The following GBE1 variants were observed in gnomAD, a reference collection of about 807,000 sequenced individuals.
GBE1 encodes 1,4-alpha-glucan branching enzyme 1.
In GBE1, 70 loss-of-function variants were observed where a neutral mutation model predicts 88.8. The observed-to-expected ratio is 0.79, with a 90% CI of 0.65 to 0.96. The LOEUF (loss-of-function observed/expected upper bound fraction) is 0.96. GBE1 is among the 40% of genes least tolerant of loss of function. The probability of loss-of-function intolerance (pLI) is 0.00; values close to 1 mark genes in which losing one functional copy is unlikely to be tolerated. For synonymous variants in GBE1, 284 were observed against 300.1 expected (o/e 0.95, Z 0.56); for missense variants, 872 against 871.0 (o/e 1.00, Z -0.01).
chr3:81,712,740 A>G (rs1046943234), intron 1 of GBE1, among the ~76,000 whole-genome samples: 5 of 152,172 alleles, frequency 3.3e-5, no homozygotes, highest in African/African-American at 1.2e-4. Context: ...TGGCACATGT[A>G]TACATATGTA....
chr3:81,583,414 G>A (rs1242378161), intron 10 of GBE1, among the ~76,000 whole-genome samples: 1 of 152,058 alleles, frequency 6.6e-6, no homozygotes, highest in East Asian at 1.9e-4. Flanking sequence ...TAAAAAATGA[G>A]TACACACATG....
intron 14 of GBE1, among the ~76,000 whole-genome samples, chr3:81,523,351 T>G (rs1702898690): frequency 1.3e-5 from 2 of 151,442 alleles, no homozygotes; most frequent in Non-Finnish European, 3.0e-5. Flanking sequence ...AATTTAAATT[T>G]AAAATTGTTA....
chr3:81,633,239 AAT>A (rs1169557954), intron 7 of GBE1, among the ~76,000 whole-genome samples: 6 of 152,204 alleles, frequency 3.9e-5, no homozygotes, highest in South Asian at 4.1e-4. Flanking sequence ...TGACAGTGAC[AAT>A]GACAATTATC....
At chr3:81,618,981 TA>T (rs35406573) in intron 7 of GBE1, among the ~76,000 whole-genome samples, 1 of 151,918 alleles carries the variant, frequency 6.6e-6, no homozygotes, top group Admixed American at 6.6e-5. Context: ...AGATTCTTTT[TA>T]AAAAAATGAC....
At chr3:81,516,590 T>G (rs1702801394) in intron 14 of GBE1, among the ~76,000 whole-genome samples, 1 of 151,550 alleles carries the variant, frequency 6.6e-6, no homozygotes, top group Non-Finnish European at 1.5e-5. Context: ...GAAATATATT[T>G]TGTAAGACTA....
rs144922162 is a variant in GBE1, at chr3:81,516,686, C to T, written c.1935-17459G>A. On this transcript the variant is annotated intron_variant, in intron 14 of 15. Transcript: ENST00000429644. ...GGAAAGGATTCACCATTCTAGATGC[C>T]ATTAAGAACATTTGTGATTCATGGG... Among the ~76,000 whole-genome samples the T allele has an allele frequency of 4.3e-3, 644 of 151,478 alleles. 7 individuals carry two copies. Among genetic ancestry groups the T allele is most frequent in the African/African-American group, 0.014 (589 of 41,422 alleles).
intron 7 of GBE1, chr3:81,613,101 C>A: frequency 1.8e-6 from 1 of 553,368 alleles, no homozygotes; most frequent in Non-Finnish European, 2.8e-6. Context: ...TGGATTCCGA[C>A]CTTCCTTTTT....
In GBE1 at chr3:81,586,114, G is replaced by T; in HGVS notation, c.1313C>A (p.Ala438Glu). ...TACCTGAATCCACTTATCTGGAATT[G>T]CCATGGCTAGTCGATAGTCAAAACC... ...GGGFDYRLAM[A>E]IPDKWIQLLK... The change falls in exon 10 of 16, where the codon GCA (alanine) becomes GAA (glutamate). Residue 438 changes from alanine to glutamate, a missense_variant. Transcript: ENST00000429644. The T allele has an allele frequency of 6.2e-7, 1 of 1,608,486 alleles. No individual in the cohort carries two copies. The highest frequency in any genetic ancestry group is 8.5e-7 in the Non-Finnish European group (1 of 1,177,302).
At chr3:81,589,357 T>G (rs1355905314) in intron 9 of GBE1, among the ~76,000 whole-genome samples, 1 of 151,908 alleles carries the variant, frequency 6.6e-6, no homozygotes. Context: ...ATTACATTGC[T>G]TATTCGTTCA....
intron 7 of GBE1, among the ~76,000 whole-genome samples, chr3:81,622,945 T>A (rs563112970): frequency 6.6e-6 from 1 of 152,200 alleles, no homozygotes; most frequent in Non-Finnish European, 1.5e-5. Context: ...CACTGGACTA[T>A]TGCAATACAA....
At chr3:81,528,031 G>A (rs1474048816) in intron 14 of GBE1, among the ~76,000 whole-genome samples, 3 of 152,012 alleles carry the variant, frequency 2.0e-5, no homozygotes, top group Non-Finnish European at 4.4e-5. Flanking sequence ...GGAATACTAT[G>A]CAGCCATAAC....
intron 14 of GBE1, among the ~76,000 whole-genome samples, chr3:81,513,000 G>C (rs1702745984): frequency 6.6e-6 from 1 of 151,592 alleles, no homozygotes; most frequent in Non-Finnish European, 1.5e-5. Context: ...TTATACTAGA[G>C]TTTTTCAGTT....
At chr3:81,715,829 T>C (rs1004141164) in intron 1 of GBE1, among the ~76,000 whole-genome samples, 3 of 152,160 alleles carry the variant, frequency 2.0e-5, no homozygotes, top group African/African-American at 7.2e-5. Flanking sequence ...TATGACACGT[T>C]ACATCTTTCT....
chr3:81,655,003 T>C (rs1043952601), intron 3 of GBE1: 1 of 152,226 alleles, frequency 6.6e-6, no homozygotes, highest in African/African-American at 2.4e-5. Context: ...CTGGAAGTTC[T>C]GGAAGAAACA....
chr3:81,700,700 AT>A (rs1252446107), intron 2 of GBE1, among the ~76,000 whole-genome samples: 1 of 152,154 alleles, frequency 6.6e-6, no homozygotes, highest in Non-Finnish European at 1.5e-5. Context: ...TGAAAAAAAA[AT>A]TATAGACAAA....
At chr3:81,750,598 T>G in intron 1 of GBE1, among the ~76,000 whole-genome samples, 1 of 39,762 alleles carries the variant, frequency 2.5e-5, no homozygotes, top group African/African-American at 1.1e-4. Context: ...CGTATATATA[T>G]ATGTGTATAT....
intron 7 of GBE1, 178 bp downstream of exon 7, chr3:81,642,603 T>C (rs1208300798): frequency 7.7e-6 from 4 of 522,674 alleles, no homozygotes; most frequent in South Asian, 5.6e-5. Flanking sequence ...TAATGAAATA[T>C]ACCACAAATA....
intron 2 of GBE1, among the ~76,000 whole-genome samples, chr3:81,683,971 AT>A: frequency 6.6e-6 from 1 of 152,316 alleles, no homozygotes; most frequent in South Asian, 2.1e-4. Flanking sequence ...AAATAACAAA[AT>A]CATTACAACA....
chr3:81,556,446 AT>A (rs979457920), intron 12 of GBE1, among the ~76,000 whole-genome samples: 6 of 152,068 alleles, frequency 3.9e-5, no homozygotes, highest in Non-Finnish European at 5.9e-5. Context: ...AGGAAACTTT[AT>A]TTCTTGAAAC....
Sources: gnomAD v4.1 joint callset for allele counts (sites outside exome capture counted in the v4.1 genomes callset) on GRCh38, gnomAD v4.1.1 for gene constraint, MANE v1.5 for transcripts, NCBI Gene and HGNC (gene_info 2026-07-23, HGNC 2026-07-21) for gene names.